Variants in PHACTR3 observed in about 807,000 individuals in gnomAD.
PHACTR3 encodes protein phosphatase 1, regulatory subunit 123.
PHACTR3 carries 16 observed loss-of-function variants against 66.8 expected under a neutral mutation model. The observed-to-expected ratio is 0.24, with a 90% CI of 0.16 to 0.36. The LOEUF (loss-of-function observed/expected upper bound fraction) is 0.36. PHACTR3 is among the 10% of genes least tolerant of loss of function. PHACTR3 has a pLI of 1.00. For synonymous variants in PHACTR3, 323 were observed against 292.1 expected (o/e 1.11, Z -1.08); for missense variants, 647 against 719.9 (o/e 0.90, Z 1.16).
At chr20:59,665,819 G>A (rs567100261) in intron 1 of PHACTR3, among the ~76,000 whole-genome samples, 2 of 152,290 alleles carry the variant, frequency 1.3e-5, no homozygotes, top group East Asian at 1.9e-4. Flanking sequence ...TACAGAACCC[G>A]CCACAAGCTA....
chr20:59,823,322 C>T (rs183448675), intron 8 of PHACTR3, among the ~76,000 whole-genome samples: 2 of 152,270 alleles, frequency 1.3e-5, no homozygotes, highest in East Asian at 3.9e-4. Context: ...TATTACCTCC[C>T]ATGTGCTGTG....
chr20:59,671,254 G>A, intron 1 of PHACTR3, among the ~76,000 whole-genome samples: 1 of 152,210 alleles, frequency 6.6e-6, no homozygotes, highest in East Asian at 1.9e-4. Context: ...GTGAGCATCT[G>A]TACATTCACA....
At chr20:59,841,955 G>GACAAGTTTAAACAAAAAGAGCTACA (rs1176148270) in intron 11 of PHACTR3, among the ~76,000 whole-genome samples, 1 of 152,170 alleles carries the variant, frequency 6.6e-6, no homozygotes, top group Non-Finnish European at 1.5e-5. Flanking sequence ...GAGATCAACT[G>GACAAGTTTAAACAAAAAGAGCTACA]ACAAGTTTAA....
chr20:59,585,427 T>TG (rs145652576), intron 1 of PHACTR3, among the ~76,000 whole-genome samples: 1,570 of 152,296 alleles, frequency 0.01, 46 homozygotes, highest in African/African-American at 0.036. Flanking sequence ...GGGTGTGCTT[T>TG]GCCTGCTGCT....
intron 7 of PHACTR3, among the ~76,000 whole-genome samples, chr20:59,798,333 T>C (rs1418122181): frequency 1.3e-5 from 2 of 152,222 alleles, no homozygotes; most frequent in Non-Finnish European, 2.9e-5. Context: ...TTAACACTAT[T>C]ACATTGGAGA....
At chr20:59,811,096 T>C (rs557307501) in intron 8 of PHACTR3, among the ~76,000 whole-genome samples, 10 of 152,286 alleles carry the variant, frequency 6.6e-5, no homozygotes, top group Non-Finnish European at 1.3e-4. Flanking sequence ...ATTTTACAGA[T>C]GAGAAAATTA....
intron 1 of PHACTR3, among the ~76,000 whole-genome samples, chr20:59,589,592 G>A (rs573576285): frequency 9.8e-5 from 15 of 152,300 alleles, no homozygotes; most frequent in African/African-American, 3.6e-4. Flanking sequence ...TTGCTGCGAC[G>A]GGGTGCTGGT....
intron 9 of PHACTR3, among the ~76,000 whole-genome samples, chr20:59,839,686 A>ATATTAATTAACAGTTG (rs1407581137): frequency 2.0e-5 from 3 of 152,182 alleles, no homozygotes; most frequent in Non-Finnish European, 4.4e-5. Context: ...CACAGCTTGA[A>ATATTAATTAACAGTTG]TGTTAATAGT....
intron 1 of PHACTR3, among the ~76,000 whole-genome samples, chr20:59,741,450 T>G (rs1358164550): frequency 6.6e-6 from 1 of 152,172 alleles, no homozygotes; most frequent in Non-Finnish European, 1.5e-5. Flanking sequence ...AGGTCCTTGT[T>G]GCTGCCAGAA....
chr20:59,771,193 C>G (rs565347440), intron 5 of PHACTR3, among the ~76,000 whole-genome samples: 1 of 152,160 alleles, frequency 6.6e-6, no homozygotes. Flanking sequence ...CTCAGTTTCC[C>G]TATTTGTACA....
At chr20:59,651,752 GA>G (rs1160482040) in intron 1 of PHACTR3, among the ~76,000 whole-genome samples, 10 of 152,146 alleles carry the variant, frequency 6.6e-5, no homozygotes, top group Non-Finnish European at 1.2e-4. Flanking sequence ...TACTCACATG[GA>G]AGTCATCTCC....
intron 7 of PHACTR3, among the ~76,000 whole-genome samples, chr20:59,796,496 A>C (rs2041255449): frequency 6.6e-6 from 1 of 152,088 alleles, no homozygotes. Context: ...TTGTCCTTTC[A>C]CTTCTGGTTG....
rs542487884 is a variant in PHACTR3 at position 59,737,832 on chromosome 20, G to GGAGT, written c.119-5252_119-5249dup. On this transcript the variant is annotated intron_variant, in intron 1 of 12. Transcript: ENST00000371015. ...TGTCAGTACGTATTTGTTGAAAGGT[G>GGAGT]GAGTGAGTGAGTGAGTGAGTGAGTG... Among the ~76,000 whole-genome samples the GGAGT allele has an allele frequency of 1.6e-3, 240 of 152,198 alleles. 2 individuals are homozygous for GGAGT. The highest frequency in any genetic ancestry group is 7.1e-3 in the South Asian group (34 of 4,812).
chr20:59,608,418 A>G (rs150373201), intron 1 of PHACTR3, among the ~76,000 whole-genome samples: 98 of 152,360 alleles, frequency 6.4e-4, no homozygotes, highest in African/African-American at 2.3e-3. Context: ...TAGAAATTTA[A>G]TCAAAGGTAA....
intron 1 of PHACTR3, among the ~76,000 whole-genome samples, chr20:59,619,520 C>T (rs1399926725): frequency 6.6e-6 from 1 of 152,030 alleles, no homozygotes; most frequent in African/African-American, 2.4e-5. Context: ...GATGAGAAGG[C>T]ACCCCACTGC....
At chr20:59,754,582 G>A (rs1271787358) in intron 3 of PHACTR3, among the ~76,000 whole-genome samples, 2 of 152,222 alleles carry the variant, frequency 1.3e-5, no homozygotes, top group Admixed American at 6.5e-5. Flanking sequence ...AGGGTCAAAC[G>A]GTGGGTGCAG....
At chr20:59,709,535 C>A (rs1185663824) in intron 1 of PHACTR3, among the ~76,000 whole-genome samples, 1 of 152,010 alleles carries the variant, frequency 6.6e-6, no homozygotes, top group Non-Finnish European at 1.5e-5. Flanking sequence ...TTTATTTTTG[C>A]CAGACCCTGT....
At chr20:59,822,546 C>T (rs1206214843) in intron 8 of PHACTR3, among the ~76,000 whole-genome samples, 1 of 151,896 alleles carries the variant, frequency 6.6e-6, no homozygotes, top group African/African-American at 2.4e-5. Context: ...CTTCCAGCAT[C>T]CCCTCCTGGG....
intron 1 of PHACTR3, among the ~76,000 whole-genome samples, chr20:59,644,991 G>A (rs1287223716): frequency 3.3e-5 from 5 of 152,208 alleles, no homozygotes; most frequent in Admixed American, 6.5e-5. Flanking sequence ...CTGACAGCAC[G>A]TTTTTCAGCC....
Sources: gnomAD v4.1 joint callset for allele counts (sites outside exome capture counted in the v4.1 genomes callset) on GRCh38, gnomAD v4.1.1 for gene constraint, MANE v1.5 for transcripts, NCBI Gene and HGNC (gene_info 2026-07-23, HGNC 2026-07-21) for gene names.